Variants in SORCS2 observed in about 807,000 individuals in gnomAD.
The protein encoded by SORCS2 is VPS10 domain-containing receptor SorCS2.
SORCS2 carries 100 observed loss-of-function variants against 141.6 expected under a neutral mutation model. The ratio of observed to expected loss-of-function variants is 0.71; its 90% CI spans 0.60 to 0.83. The LOEUF is 0.83. SORCS2 is among the 40% of genes least tolerant of loss of function. The probability of loss-of-function intolerance (pLI) is 0.00; values close to 1 mark genes in which losing one functional copy is unlikely to be tolerated. For synonymous variants in SORCS2, 789 were observed against 676.9 expected (o/e 1.17, Z -2.57); for missense variants, 1,646 against 1,560.2 (o/e 1.05, Z -0.93).
intron 1 of SORCS2, among the ~76,000 whole-genome samples, chr4:7,227,591 C>T (rs78057550): frequency 0.036 from 5,480 of 152,230 alleles, 302 homozygotes; most frequent in East Asian, 0.26. Context: ...GCAGACACAC[C>T]TGGCGCCCCT....
chr4:7,701,651 G>T (rs970040442), intron 12 of SORCS2, among the ~76,000 whole-genome samples: 5 of 152,168 alleles, frequency 3.3e-5, no homozygotes, highest in Non-Finnish European at 5.9e-5. Flanking sequence ...GGACACCAGG[G>T]CCAAGGGTGT....
chr4:7,241,942 G>A (rs1418165814), intron 1 of SORCS2, among the ~76,000 whole-genome samples: 1 of 152,218 alleles, frequency 6.6e-6, no homozygotes, highest in Non-Finnish European at 1.5e-5. Context: ...GCAGGGACAG[G>A]TGGAGTTCAC....
intron 2 of SORCS2, among the ~76,000 whole-genome samples, chr4:7,472,322 G>A (rs1730025262): frequency 1.3e-5 from 2 of 152,228 alleles, no homozygotes; most frequent in Admixed American, 6.5e-5. Flanking sequence ...CTAGGAGGAG[G>A]CAACAGCTGA....
At chr4:7,607,089 A>G (rs1577832184) in intron 3 of SORCS2, among the ~76,000 whole-genome samples, 1 of 152,216 alleles carries the variant, frequency 6.6e-6, no homozygotes, top group Non-Finnish European at 1.5e-5. Flanking sequence ...CTTTGCCGAC[A>G]TAAAACCCTG....
chr4:7,216,945 C>T (rs375826001), intron 1 of SORCS2, among the ~76,000 whole-genome samples: 7 of 152,150 alleles, frequency 4.6e-5, no homozygotes, highest in Admixed American at 6.5e-5. Flanking sequence ...GTCCGCACTG[C>T]GTGGCGGTTC....
intron 1 of SORCS2, among the ~76,000 whole-genome samples, chr4:7,347,889 A>G (rs1286623893): frequency 6.6e-6 from 1 of 152,226 alleles, no homozygotes; most frequent in East Asian, 1.9e-4. Flanking sequence ...ATTACACATG[A>G]TGTAAATTTC....
chr4:7,326,378 C>T (rs544575699), intron 1 of SORCS2, among the ~76,000 whole-genome samples: 3 of 152,200 alleles, frequency 2.0e-5, no homozygotes, highest in South Asian at 2.1e-4. Context: ...TACAGCAGTG[C>T]CCCCCTCTTG....
At position 7,233,374 on chromosome 4, in the gene SORCS2, AG is replaced by A. The variant is rs1712041415; in HGVS notation, c.480+40251del. 6.6e-6 allele frequency among the ~76,000 whole-genome samples: 1 copy of A among 152,172 alleles called. No individual in the cohort carries two copies. Among genetic ancestry groups the A allele is most frequent in the South Asian group, 2.1e-4 (1 of 4,832 alleles). ...CTGGCCACCGCTGAGCACCTGCTCC[AG>A]GGCAGACGTAGCCCTCATCACGTCC... On this transcript the variant is annotated intron_variant, in intron 1 of 26. Transcript: ENST00000507866. The surrounding 1 kb of genome is among the most constrained non-coding windows in gnomAD (Gnocchi z 4.5).
chr4:7,372,294 A>G (rs1722306812), intron 1 of SORCS2, among the ~76,000 whole-genome samples: 1 of 152,166 alleles, frequency 6.6e-6, no homozygotes, highest in Non-Finnish European at 1.5e-5. Flanking sequence ...TACATGTAGT[A>G]AAATTCACTT....
chr4:7,647,966 C>G (rs1721186822), intron 4 of SORCS2, among the ~76,000 whole-genome samples: 1 of 152,208 alleles, frequency 6.6e-6, no homozygotes, highest in African/African-American at 2.4e-5. Context: ...ACTGCGGTAG[C>G]TTGCATAGTG....
intron 3 of SORCS2, among the ~76,000 whole-genome samples, chr4:7,589,727 T>G (rs975341532): frequency 6.6e-6 from 1 of 152,170 alleles, no homozygotes; most frequent in African/African-American, 2.4e-5. Flanking sequence ...AAGTGCCCTG[T>G]GTGTAGTAAT....
intron 1 of SORCS2, among the ~76,000 whole-genome samples, chr4:7,340,577 A>G (rs969768563): frequency 1.3e-5 from 2 of 152,192 alleles, no homozygotes; most frequent in African/African-American, 2.4e-5. Flanking sequence ...CCCGTCCCTC[A>G]CTGCGGGGTC....
At position 7,367,021 on chromosome 4, in the gene SORCS2, G is replaced by A. The variant is rs561839294; in HGVS notation, c.481-29267G>A. ...GCTAGTGCAGTGAGCTTCCCAAGCCGGCTGCCCCAGAGGAAGACACCAAGC... is the reference window on the plus strand; with the variant it reads ...GCTAGTGCAGTGAGCTTCCCAAGCCAGCTGCCCCAGAGGAAGACACCAAGC... On this transcript the variant is annotated intron_variant, in intron 1 of 26. Coordinates refer to ENST00000507866, the MANE Select transcript of SORCS2 (RefSeq NM_020777.3). 2.0e-4 allele frequency among the ~76,000 whole-genome samples: 31 copies of A among 152,302 alleles called. No individual in the cohort carries two copies. The South Asian group carries it at 5.0e-3, about 24-fold the overall frequency.
Position 7,676,193 on chromosome 4 carries a change from G to A in SORCS2, c.1305G>A (p.Arg435=), listed in dbSNP as rs1471142509. 6.4e-7 allele frequency: 1 copy of A among 1,552,812 alleles called. No individual in the cohort carries two copies. Among genetic ancestry groups the A allele is most frequent in the African/African-American group, 1.4e-5 (1 of 73,108 alleles). ...ALVLQDVRSS[R]QAEESVLIDI... is the part of the protein sequence containing the mutation. ...TGCTGCAGGACGTGCGCAGCTCACG[G>A]CAGGCGGAGGAGAGCGTGCTCATCG... Residue 435 remains arginine, a synonymous_variant, in exon 9 of 27, where the codon CGG becomes CGA. Coordinates refer to ENST00000507866, the MANE Select transcript of SORCS2 (RefSeq NM_020777.3).
At chr4:7,210,124 G>A (rs1408059361) in intron 1 of SORCS2, among the ~76,000 whole-genome samples, 1 of 152,230 alleles carries the variant, frequency 6.6e-6, no homozygotes, top group Admixed American at 6.5e-5. Context: ...CAGAGGAGGT[G>A]GCATTCCCCA....
At chr4:7,458,360 G>A (rs936945443) in intron 2 of SORCS2, among the ~76,000 whole-genome samples, 2 of 152,162 alleles carry the variant, frequency 1.3e-5, no homozygotes, top group East Asian at 1.9e-4. Context: ...GCAGGGCTGG[G>A]TGCAGGTCTG....
intron 12 of SORCS2, among the ~76,000 whole-genome samples, chr4:7,701,779 G>A (rs112503232): frequency 1.3e-5 from 2 of 152,314 alleles, no homozygotes; most frequent in African/African-American, 4.8e-5. Flanking sequence ...TTCAGACTCT[G>A]AGGGAGACTC....
At chr4:7,635,095 C>G (rs775010497) in intron 3 of SORCS2, among the ~76,000 whole-genome samples, 11 of 152,234 alleles carry the variant, frequency 7.2e-5, no homozygotes, top group Non-Finnish European at 1.3e-4. Flanking sequence ...CACTAAGGTG[C>G]TGATGCTGGC....
chr4:7,379,310 A>G (rs1722843824), intron 1 of SORCS2, among the ~76,000 whole-genome samples: 1 of 152,158 alleles, frequency 6.6e-6, no homozygotes, highest in African/African-American at 2.4e-5. Flanking sequence ...GGGCAGGATC[A>G]CCACTGGGCA....
Sources: gnomAD v4.1 joint callset for allele counts (sites outside exome capture counted in the v4.1 genomes callset) on GRCh38, gnomAD v4.1.1 for gene constraint, Gnocchi (gnomAD v3.1) non-coding constraint, MANE v1.5 for transcripts, NCBI Gene and HGNC (gene_info 2026-07-23, HGNC 2026-07-21) for gene names.